The following MIDN variants were observed in gnomAD, a reference collection of about 807,000 sequenced individuals.
MIDN encodes midbrain nucleolar protein.
A neutral mutation model predicts 46.1 loss-of-function variants in MIDN; 26 were observed. The ratio of observed to expected loss-of-function variants is 0.56; its 90% confidence interval spans 0.41 to 0.78. MIDN has a LOEUF of 0.78. Among genes scored for constraint, MIDN ranks in the 30% least tolerant of loss-of-function variants. MIDN has a pLI of 0.00. For missense variants in MIDN, 850 were observed against 771.8 expected (o/e 1.10, Z -1.20); for synonymous variants, 432 against 343.3 (o/e 1.26, Z -2.86).
At chr19:1,250,614 A>G in intron 2 of MIDN, 85 bp downstream of exon 2, 1 of 737,678 alleles carries the variant, frequency 1.4e-6, no homozygotes. Flanking sequence ...CGGGGAAGGC[A>G]GGGGGCGGCC....
chr19:1,256,583 C>T (rs1025148675), intron 8 of MIDN, among the ~76,000 whole-genome samples: 3 of 151,948 alleles, frequency 2.0e-5, no homozygotes, highest in African/African-American at 7.3e-5. Flanking sequence ...AAGAATGAGG[C>T]AGGACAGTCC....
In MIDN at chr19:1,257,721, C is replaced by CA. The variant is rs201839606; in HGVS notation, c.*450dup. 9.5e-3 allele frequency: 1,652 copies of CA among 174,344 alleles called. 14 individuals carry two copies. The highest frequency in any genetic ancestry group is 0.014 in the Non-Finnish European group (1,160 of 81,906). 10.8% of individuals were successfully genotyped at this position (174,344 alleles called of 1,614,324 possible). On this transcript the variant is annotated 3_prime_UTR_variant, in exon 9 of 9. Coordinates refer to ENST00000682408, the MANE Select transcript of MIDN (RefSeq NM_001388306.1). ...TTTTAAGTCAAAAATGTCGATATGT[C>CA]ATTATGCACTTTACAGATGAGGGGA...
In MIDN at chr19:1,258,767, G is replaced by A. The variant is rs1045960292; in HGVS notation, c.*1495G>A. ...CCAGAGGGTAGAGCTCAAGGATTTT[G>A]GGTTTTGTTTTGTTTTCATTTTTCC... is the stretch of plus-strand genomic sequence containing the variant. On this transcript the variant is annotated 3_prime_UTR_variant, in exon 9 of 9. Transcript: ENST00000682408. The A allele has an allele frequency of 6.6e-6, 1 of 151,326 alleles. No individual in the cohort carries two copies. The highest frequency in any genetic ancestry group is 1.5e-5 in the Non-Finnish European group (1 of 67,874). The allele number at this position is 151,326 out of a possible 1,614,324, so 9.4% of individuals were successfully genotyped here. A position where few individuals can be genotyped will look rare whatever the true frequency, so the allele number is the denominator to read the frequency against.
intron 4 of MIDN, among the ~76,000 whole-genome samples, chr19:1,252,865 C>T (rs1474415635): frequency 4.6e-5 from 7 of 151,830 alleles, no homozygotes; most frequent in East Asian, 1.9e-4. Context: ...GCAGCAGTGG[C>T]GTGGGGGCAG....
chr19:1,251,203 G>A (rs1033074211), intron 2 of MIDN: 5 of 228,032 alleles, frequency 2.2e-5, no homozygotes, highest in African/African-American at 4.7e-5. Context: ...AGAGGAGCCA[G>A]GACTAGAATT....
In MIDN at chr19:1,254,387, C is replaced by T. The variant is rs771641098; in HGVS notation, c.734C>T (p.Pro245Leu). Residue 245 changes from proline to leucine, a missense_variant, in exon 6 of 9, where the codon CCC becomes CTC. By Grantham distance (98) the Pro-to-Leu change is moderately conservative (BLOSUM62 -3). Transcript: ENST00000682408. ...CRPVSSAARV[P>L]PVPTSPSPAS... The stretch of plus-strand genomic sequence containing the variant: ...CCGGTGTCCAGTGCCGCCCGAGTCC[C>T]CCCGGTGCCCACCAGCCCGTCCCCT... 1.9e-6 allele frequency: 3 copies of T among 1,561,850 alleles called. No individual in the cohort carries two copies. The highest frequency in any genetic ancestry group is 2.6e-6 in the Non-Finnish European group (3 of 1,160,720).
At position 1,257,421 on chromosome 19, in the gene MIDN, AT is replaced by A; in HGVS notation, c.*156del. On this transcript the variant is annotated 3_prime_UTR_variant, in exon 9 of 9. Coordinates refer to ENST00000682408, the MANE Select transcript of MIDN (RefSeq NM_001388306.1). ...TTTTTTTCTTTTCTTCTTTTTTATT[AT>A]TTTTTTCTTTTTTTAAAAAGTTCTG... is the stretch of plus-strand genomic sequence containing the variant. The A allele has an allele frequency of 1.6e-6, 1 of 633,496 alleles. No homozygotes were observed. The highest frequency in any genetic ancestry group is 2.1e-5 in the South Asian group (1 of 48,258). 39.2% of individuals were successfully genotyped at this position (633,496 alleles called of 1,614,324 possible).
At position 1,250,110 on chromosome 19, in the gene MIDN, C is replaced by A. The variant is rs3746106; in HGVS notation, c.-187C>A. 0.36 allele frequency: 55,127 copies of A among 154,590 alleles called. 11,246 individuals are homozygous for A. The highest frequency in any genetic ancestry group is 0.54 in the East Asian group (2,746 of 5,042). 9.6% of individuals were successfully genotyped at this position (154,590 alleles called of 1,614,324 possible). Reference sequence around the variant, plus strand: ...CCCAGGAGCCGGAGCGACCTCGGAGCGCCACTCGGATTTTGGATTTCGGTC... The same window carrying A: ...CCCAGGAGCCGGAGCGACCTCGGAGAGCCACTCGGATTTTGGATTTCGGTC... On this transcript the variant is annotated 5_prime_UTR_variant, in exon 2 of 9. Coordinates refer to ENST00000682408, the MANE Select transcript of MIDN (RefSeq NM_001388306.1).
At position 1,257,183 on chromosome 19, in the gene MIDN, G is replaced by A. The variant is rs955924688; in HGVS notation, c.1447G>A (p.Glu483Lys). ...CAGCGGGGGCGGCGGCAGCCCCAGC[G>A]AGGCCTCCGGCTTGGGCCTCGACTT... Reference protein sequence around the residue: ...SSSGGGGSPSEASGLGLDFED... With the variant: ...SSSGGGGSPSKASGLGLDFED... Residue 483 changes from glutamate (E) to lysine (K), a missense_variant, in exon 9 of 9, where the codon GAG (glutamate) becomes AAG (lysine). By Grantham distance (56) the Glu-to-Lys change is moderately conservative. Coordinates refer to ENST00000682408, the MANE Select transcript of MIDN (RefSeq NM_001388306.1). 8 of 1,611,876 alleles carry A rather than the reference G, an allele frequency of 5.0e-6. No individual in the cohort carries two copies. Among genetic ancestry groups the A allele is most frequent in the Non-Finnish European group, 5.9e-6 (7 of 1,179,470 alleles).
chr19:1,252,396 C>T (rs930566571), intron 4 of MIDN, among the ~76,000 whole-genome samples: 10 of 149,652 alleles, frequency 6.7e-5, no homozygotes, highest in Non-Finnish European at 1.2e-4. Flanking sequence ...CTCTCTCTGG[C>T]CTTTGTTCTC....
At chr19:1,256,204 C>T (rs1289396645) in intron 8 of MIDN, among the ~76,000 whole-genome samples, 1 of 152,246 alleles carries the variant, frequency 6.6e-6, no homozygotes, top group African/African-American at 2.4e-5. Flanking sequence ...GGGAAACTGG[C>T]CGGGCGCGGT....
At chr19:1,253,762 G>C (rs2081162995) in intron 4 of MIDN, 192 bp from the exon 5 acceptor site, 1 of 296,090 alleles carries the variant, frequency 3.4e-6, no homozygotes, top group Admixed American at 5.3e-5. Context: ...CTGAGGTGGA[G>C]CCCCTCCCGT....
At chr19:1,252,834 A>G (rs995266303) in intron 4 of MIDN, among the ~76,000 whole-genome samples, 1 of 151,144 alleles carries the variant, frequency 6.6e-6, no homozygotes, top group African/African-American at 2.4e-5. Context: ...GTGGTCTGCC[A>G]TGGGGGTGGC....
chr19:1,255,193 G>A (rs2081183374), intron 7 of MIDN, 132 bp downstream of exon 7: 1 of 1,217,180 alleles, frequency 8.2e-7, no homozygotes, highest in African/African-American at 1.5e-5. Context: ...CACTTCACAT[G>A]TCCCCCAGGA....
rs555234198 is a variant in MIDN at position 1,250,901 on chromosome 19, C to T, written c.233+372C>T. On this transcript the variant is annotated intron_variant, in intron 2 of 8. Transcript: ENST00000682408. ...CTCCTCTGCGTCTGGCTGTCTCCCC[C>T]CACTTGCGTCTCTCTCCCCCCCTTT... is the stretch of plus-strand genomic sequence containing the variant. Among the ~76,000 whole-genome samples, 523 of 152,056 alleles carry T rather than the reference C, an allele frequency of 3.4e-3. 3 individuals carry two copies. In the Middle Eastern group the frequency reaches 0.038, roughly 11 times the overall value.
chr19:1,251,398 C>G (rs60724761), intron 2 of MIDN, 164 bp from the exon 3 acceptor site: 4 of 608,480 alleles, frequency 6.6e-6, no homozygotes, highest in Non-Finnish European at 1.1e-5. Flanking sequence ...CAGACGGAGA[C>G]CTCTCTGCAC....
chr19:1,253,851 C>G (rs993694280), intron 4 of MIDN, 103 bp from the exon 5 acceptor site: 1 of 985,034 alleles, frequency 1.0e-6, no homozygotes, highest in South Asian at 2.0e-5. Flanking sequence ...TCAGTGACTG[C>G]CAGCTGGGCC....
At chr19:1,249,338 C>G (rs1029643690) in intron 1 of MIDN, among the ~76,000 whole-genome samples, 42 of 150,712 alleles carry the variant, frequency 2.8e-4, no homozygotes, top group Non-Finnish European at 5.0e-4. Context: ...GTCGCCCGCC[C>G]GCCCCGGGAC....
rs746153442 is a variant in MIDN at position 1,255,511 on chromosome 19, G to A, written c.1075G>A (p.Ala359Thr). 11 of 1,611,748 alleles carry A rather than the reference G, an allele frequency of 6.8e-6. No homozygotes were observed. The highest frequency in any genetic ancestry group is 1.3e-5 in the African/African-American group (1 of 75,028). ...GCAGATCCTGAACGACCTCCTGAGC[G>A]CCACCCGGCACTACCAGGGCATGCC... is the stretch of plus-strand genomic sequence containing the variant. ...ILQILNDLLS[A>T]TRHYQGMPPS... Residue 359 changes from alanine (A) to threonine (T), a missense_variant, in exon 8 of 9, where the codon GCC becomes ACC. Physicochemically the swap from Ala to Thr is moderately conservative, Grantham distance 58. Coordinates refer to ENST00000682408, the MANE Select transcript of MIDN (RefSeq NM_001388306.1).
Sources: allele counts gnomAD v4.1 joint callset (sites outside exome capture counted in the v4.1 genomes callset), GRCh38; gene constraint gnomAD v4.1.1; transcripts MANE v1.5; gene names NCBI Gene and HGNC (gene_info 2026-07-23, HGNC 2026-07-21).